Variants in JAK2 observed in about 807,000 individuals in gnomAD.
JAK2 encodes the protein tyrosine-protein kinase JAK2.
Under a neutral mutation model 139.3 loss-of-function variants are expected in JAK2, and 86 were observed. That is an observed-to-expected ratio of 0.62 (90% CI 0.52 to 0.74). The LOEUF is 0.74. Among genes scored for constraint, JAK2 ranks in the 30% least tolerant of loss-of-function variants. JAK2 has a pLI of 0.00. For missense variants in JAK2, 1,421 were observed against 1,360.3 expected, an observed-to-expected ratio of 1.04 and a Z score of -0.70; for synonymous variants, 490 against 437.7, an observed-to-expected ratio of 1.12 and a Z score of -1.49.
At chr9:5,119,358 CCTTT>C (rs1442278020) in intron 22 of JAK2, among the ~76,000 whole-genome samples, 1 of 151,686 alleles carries the variant, frequency 6.6e-6, no homozygotes, top group African/African-American at 2.4e-5. Flanking sequence ...TTCCAAGGTT[CCTTT>C]CTAATTTTAA....
intron 2 of JAK2, among the ~76,000 whole-genome samples, chr9:4,992,867 G>A (rs1328661873): frequency 6.6e-6 from 1 of 152,188 alleles, no homozygotes; most frequent in African/African-American, 2.4e-5. Flanking sequence ...CCAGTTCCTT[G>A]ATTAGGTCTC....
intron 5 of JAK2, among the ~76,000 whole-genome samples, chr9:5,048,736 A>C (rs777392614): frequency 6.6e-6 from 1 of 152,176 alleles, no homozygotes; most frequent in Non-Finnish European, 1.5e-5. Context: ...TATACTTTTA[A>C]ATATGTTTCT....
chr9:5,053,800 G>A (rs1817580071), intron 6 of JAK2, among the ~76,000 whole-genome samples: 1 of 151,942 alleles, frequency 6.6e-6, no homozygotes, highest in African/African-American at 2.4e-5. Context: ...ATATGCCACA[G>A]AATGAGGTCC....
At chr9:5,055,641 T>C (rs369981833) in intron 7 of JAK2, 28 bp from the exon 8 acceptor site, 118 of 1,506,238 alleles carry the variant, frequency 7.8e-5, no homozygotes, top group Non-Finnish European at 6.2e-5. Context: ...TTCTACCCGT[T>C]TTTAATTTTA....
chr9:5,050,889 G>A (rs938904337), intron 6 of JAK2, 58 bp downstream of exon 6: 26 of 1,427,154 alleles, frequency 1.8e-5, no homozygotes, highest in East Asian at 1.6e-4. Context: ...TATATAATTC[G>A]TATATATTTT....
chr9:5,090,154 T>G (rs1015885809), intron 20 of JAK2, among the ~76,000 whole-genome samples: 3 of 152,226 alleles, frequency 2.0e-5, no homozygotes, highest in South Asian at 4.1e-4. Flanking sequence ...GAATTCAATG[T>G]TTTTTGTTCG....
At chr9:5,125,534 TAAGTAA>T (rs202087693) in intron 23 of JAK2, among the ~76,000 whole-genome samples, 1,535 of 151,606 alleles carry the variant, frequency 0.01, 6 homozygotes, top group Middle Eastern at 0.034. Context: ...AATAAAAGTA[TAAGTAA>T]AAGTTATGAA....
chr9:5,052,720 A>G (rs2130392504), intron 6 of JAK2, among the ~76,000 whole-genome samples: 1 of 152,152 alleles, frequency 6.6e-6, no homozygotes, highest in African/African-American at 2.4e-5. Flanking sequence ...CAAACATTTC[A>G]TATAAATAGA....
chr9:5,005,922 T>G (rs1208542823), intron 2 of JAK2, among the ~76,000 whole-genome samples: 5 of 152,212 alleles, frequency 3.3e-5, no homozygotes, highest in Non-Finnish European at 5.9e-5. Flanking sequence ...TGAAGTCAGG[T>G]AGCGTGATGC....
intron 2 of JAK2, among the ~76,000 whole-genome samples, chr9:4,996,693 C>A (rs928780233): frequency 6.6e-5 from 10 of 151,798 alleles, no homozygotes; most frequent in Admixed American, 4.6e-4. Context: ...ATTATCCTTG[C>A]CTTCACCCCT....
intron 4 of JAK2, chr9:5,041,516 C>T: frequency 1.8e-6 from 1 of 558,286 alleles, no homozygotes; most frequent in South Asian, 1.5e-5. Flanking sequence ...CATAGCGCGC[C>T]ACGCCCATCG....
intron 8 of JAK2, among the ~76,000 whole-genome samples, chr9:5,062,500 TAAAAAAAAAAAAAAAAAAA>T (rs58424625): frequency 1.7e-5 from 1 of 58,246 alleles, no homozygotes; most frequent in Admixed American, 1.8e-4. Flanking sequence ...CTTCCATTTG[TAAAAAAAAAAAAAAAAAAA>T]AAAAAAAAAA....
At chr9:5,017,028 T>C (rs1412538298) in intron 2 of JAK2, among the ~76,000 whole-genome samples, 2 of 152,206 alleles carry the variant, frequency 1.3e-5, no homozygotes, top group East Asian at 3.8e-4. Flanking sequence ...TCCAAAAATA[T>C]TGCAGAACAT....
rs113904308 is a variant in JAK2 at position 5,068,949 on chromosome 9, C to A, written c.1327-73C>A. 39 of 827,648 alleles carry A rather than the reference C, an allele frequency of 4.7e-5. No individual in the cohort carries two copies. The Admixed American group carries it at 9.0e-4, about 19-fold the overall frequency. 51.3% of individuals were successfully genotyped at this position (827,648 alleles called of 1,614,324 possible). On this transcript the variant is annotated intron_variant, in intron 10 of 24. Coordinates refer to ENST00000381652, the MANE Select transcript of JAK2 (RefSeq NM_004972.4). Reference sequence around the variant, plus strand: ...ATTCTGTTGCTTGTTCTTGTGATATCATTTTGTCAGAATAATCACTGTGAT... The same window carrying A: ...ATTCTGTTGCTTGTTCTTGTGATATAATTTTGTCAGAATAATCACTGTGAT...
intron 22 of JAK2, chr9:5,111,690 G>A: frequency 4.7e-6 from 2 of 427,816 alleles, no homozygotes; most frequent in Admixed American, 2.6e-5. Context: ...AGTGGCGGAG[G>A]CAGCAGCACG....
rs2130583157 is a variant in JAK2 at position 5,077,561 on chromosome 9, C to T, written c.1973C>T (p.Ala658Val). The T allele has an allele frequency of 2.7e-6, 4 of 1,486,090 alleles. No homozygotes were observed. The highest frequency in any genetic ancestry group is 1.5e-5 in the South Asian group (1 of 67,796). The allele number at this position is 1,486,090 out of a possible 1,614,324, so 92.1% of individuals were successfully genotyped here. ...AAACTTGAAGTTGCTAAACAGTTGGCATGGGCCATGCATTTTCTAGTAAGT... is the reference window on the plus strand; with the variant it reads ...AAACTTGAAGTTGCTAAACAGTTGGTATGGGCCATGCATTTTCTAGTAAGT... The part of the protein sequence containing the change: ...LWKLEVAKQL[A>V]WAMHFLEENT... Residue 658 changes from alanine to valine, a missense_variant, in exon 15 of 25, where the codon GCA becomes GTA. Physicochemically the swap from Ala to Val is moderately conservative, Grantham distance 64. Transcript: ENST00000381652.
intron 22 of JAK2, among the ~76,000 whole-genome samples, chr9:5,102,648 G>A (rs1221930709): frequency 6.6e-6 from 1 of 152,200 alleles, no homozygotes; most frequent in South Asian, 2.1e-4. Flanking sequence ...AGAGAGAAAT[G>A]TCGGGTTGCC....
intron 22 of JAK2, among the ~76,000 whole-genome samples, chr9:5,106,337 C>T (rs1469126067): frequency 6.6e-6 from 1 of 152,152 alleles, no homozygotes; most frequent in African/African-American, 2.4e-5. Flanking sequence ...GAAATCAAAA[C>T]CACAATGAGA....
In JAK2 at chr9:5,126,974, A is replaced by G. The variant is rs927223949; in HGVS notation, c.*183A>G. On this transcript the variant is annotated 3_prime_UTR_variant, in exon 25 of 25. Coordinates refer to ENST00000381652, the MANE Select transcript of JAK2 (RefSeq NM_004972.4). ...GTAAGTTTTTCTTCATGAGGCCACC[A>G]GTAAAAGACATTAATGAGAATTCCT... is the stretch of plus-strand genomic sequence containing the variant. 9 of 362,576 alleles carry G rather than the reference A, an allele frequency of 2.5e-5. No homozygotes were observed. Among genetic ancestry groups the G allele is most frequent in the Admixed American group, 4.7e-5 (1 of 21,316 alleles). 22.5% of individuals were successfully genotyped at this position (362,576 alleles called of 1,614,324 possible).
Sources: allele counts gnomAD v4.1 joint callset (sites outside exome capture counted in the v4.1 genomes callset), GRCh38; gene constraint gnomAD v4.1.1; transcripts MANE v1.5; gene names NCBI Gene and HGNC (gene_info 2026-07-23, HGNC 2026-07-21).